Variants in CSMD1 observed in about 807,000 individuals in gnomAD.
The protein encoded by CSMD1 is CUB and Sushi multiple domains 1.
Under a neutral mutation model 417.5 loss-of-function variants are expected in CSMD1, and 213 were observed. The ratio of observed to expected loss-of-function variants is 0.51; its 90% CI spans 0.46 to 0.57. CSMD1 has a LOEUF of 0.57. Among genes scored for constraint, CSMD1 ranks in the 20% least tolerant of loss-of-function variants. CSMD1 has a pLI of 0.00. For missense variants in CSMD1, 6,923 were observed against 4,529.7 expected (o/e 1.53, Z -15.17); for synonymous variants, 2,862 against 1,736.8 (o/e 1.65, Z -16.11).
chr8:3,831,169 A>G (rs1802355851), intron 5 of CSMD1, among the ~76,000 whole-genome samples: 1 of 152,220 alleles, frequency 6.6e-6, no homozygotes, highest in East Asian at 1.9e-4. Flanking sequence ...CAATTTATCT[A>G]GAGACTCTAC....
intron 30 of CSMD1, among the ~76,000 whole-genome samples, chr8:3,208,690 G>A (rs1399075745): frequency 4.6e-5 from 7 of 152,148 alleles, no homozygotes; most frequent in Admixed American, 4.6e-4. Context: ...GTGGGCTGGG[G>A]AAGGCAGACC....
At chr8:4,159,574 G>C (rs1290465506) in intron 3 of CSMD1, among the ~76,000 whole-genome samples, 1 of 152,146 alleles carries the variant, frequency 6.6e-6, no homozygotes, top group Non-Finnish European at 1.5e-5. Context: ...CAGCAACCTG[G>C]ATGGGATTGC....
chr8:3,616,039 A>G (rs1049730895), intron 8 of CSMD1, among the ~76,000 whole-genome samples: 2 of 152,244 alleles, frequency 1.3e-5, no homozygotes, highest in African/African-American at 4.8e-5. Context: ...ACTGACTGAT[A>G]CTAACATGCA....
At chr8:3,770,887 G>A (rs921451695) in intron 5 of CSMD1, among the ~76,000 whole-genome samples, 3 of 152,144 alleles carry the variant, frequency 2.0e-5, no homozygotes, top group African/African-American at 7.2e-5. Context: ...TAGTCTCATA[G>A]CATTTTGCAG....
intron 5 of CSMD1, among the ~76,000 whole-genome samples, chr8:3,928,291 T>C (rs150639997): frequency 6.6e-6 from 1 of 152,236 alleles, no homozygotes; most frequent in African/African-American, 2.4e-5. Flanking sequence ...TTACATTGAT[T>C]ATTCAACTTC....
intron 1 of CSMD1, among the ~76,000 whole-genome samples, chr8:4,906,782 A>G (rs539968230): frequency 1.3e-5 from 2 of 151,904 alleles, no homozygotes; most frequent in East Asian, 1.9e-4. Flanking sequence ...TTGGTCTCCA[A>G]CTCTTGACCT....
chr8:4,253,742 T>C (rs756194832), intron 3 of CSMD1, among the ~76,000 whole-genome samples: 3 of 150,836 alleles, frequency 2.0e-5, no homozygotes, highest in Non-Finnish European at 2.9e-5. Context: ...TTTCTGGTTG[T>C]TCAATTATAT....
At chr8:4,311,339 G>C (rs1798553877) in intron 3 of CSMD1, among the ~76,000 whole-genome samples, 1 of 152,178 alleles carries the variant, frequency 6.6e-6, no homozygotes, top group African/African-American at 2.4e-5. Context: ...ATGCGATCAA[G>C]TCCTTTGCAG....
chr8:3,712,982 G>C (rs894792019), intron 6 of CSMD1, among the ~76,000 whole-genome samples: 2 of 152,198 alleles, frequency 1.3e-5, no homozygotes, highest in Admixed American at 6.5e-5. Flanking sequence ...AAGGTGCTGA[G>C]AGTTGACTTT....
At chr8:4,282,643 T>G (rs1350914315) in intron 3 of CSMD1, among the ~76,000 whole-genome samples, 1 of 152,208 alleles carries the variant, frequency 6.6e-6, no homozygotes, top group Non-Finnish European at 1.5e-5. Context: ...CATTCACCTT[T>G]TCAGTTTTAT....
intron 3 of CSMD1, among the ~76,000 whole-genome samples, chr8:4,185,676 CAATG>C (rs1798629538): frequency 6.6e-6 from 1 of 152,040 alleles, no homozygotes; most frequent in Admixed American, 6.6e-5. Context: ...CGTAAATGCC[CAATG>C]AATGTCTAGT....
intron 4 of CSMD1, among the ~76,000 whole-genome samples, chr8:4,018,528 C>G (rs928753003): frequency 1.2e-4 from 18 of 152,280 alleles, no homozygotes; most frequent in African/African-American, 3.4e-4. Context: ...GCTTCCCTCT[C>G]TCTGGGACCA....
chr8:4,042,814 T>C (rs942601564), intron 3 of CSMD1, among the ~76,000 whole-genome samples: 12 of 21,044 alleles, frequency 5.7e-4, no homozygotes, highest in East Asian at 1.3e-3. Context: ...GTACAACATA[T>C]TAAAAAAAAA....
At chr8:4,272,473 C>A (rs1290742151) in intron 3 of CSMD1, among the ~76,000 whole-genome samples, 1 of 152,012 alleles carries the variant, frequency 6.6e-6, no homozygotes, top group African/African-American at 2.4e-5. Flanking sequence ...AGTATATAGG[C>A]ACAGATAACT....
chr8:3,792,181 C>G (rs573092503), intron 5 of CSMD1, among the ~76,000 whole-genome samples: 1 of 152,118 alleles, frequency 6.6e-6, no homozygotes, highest in East Asian at 1.9e-4. Flanking sequence ...GTAGTCCCAG[C>G]TACAGGGGAG....
chr8:4,978,022 G>C (rs1315299624), intron 1 of CSMD1, among the ~76,000 whole-genome samples: 3 of 152,176 alleles, frequency 2.0e-5, no homozygotes, highest in Non-Finnish European at 4.4e-5. Flanking sequence ...ATCGATGTGA[G>C]AGAGATACAC....
At chr8:3,442,920 T>C (rs1815084087) in intron 12 of CSMD1, among the ~76,000 whole-genome samples, 1 of 152,228 alleles carries the variant, frequency 6.6e-6, no homozygotes, top group Non-Finnish European at 1.5e-5. Flanking sequence ...ATCTATTTTC[T>C]GAGTATGTGT....
chr8:3,156,515 G>A lies in CSMD1; in HGVS notation c.5914+1382C>T, dbSNP rs544876347. ...TACAACTCTGCAGGAAGTAAAGTCA[G>A]GCACATGGTGGTGGTAGCCCAGGGT... On this transcript the variant is annotated intron_variant, in intron 39 of 69. Transcript: ENST00000635120. Among the ~76,000 whole-genome samples the A allele has an allele frequency of 2.0e-5, 3 of 152,284 alleles. No individual in the cohort carries two copies. The South Asian group carries it at 6.2e-4, about 32-fold the overall frequency.
intron 2 of CSMD1, among the ~76,000 whole-genome samples, chr8:4,586,808 T>G (rs891333583): frequency 6.6e-6 from 1 of 152,332 alleles, no homozygotes; most frequent in South Asian, 2.1e-4. Context: ...GCTGCAGCTG[T>G]TCTGCACACA....
Sources: gnomAD v4.1 joint callset for allele counts (sites outside exome capture counted in the v4.1 genomes callset) on GRCh38, gnomAD v4.1.1 for gene constraint, MANE v1.5 for transcripts, NCBI Gene and HGNC (gene_info 2026-07-23, HGNC 2026-07-21) for gene names.